The following ASMT variants were observed in gnomAD, a reference collection of about 807,000 sequenced individuals.
ASMT encodes the protein acetylserotonin O-methyltransferase, also known as acetylserotonin N-methyltransferase.
ASMT carries 53 observed loss-of-function variants against 41.3 expected under a neutral mutation model. That is an observed-to-expected ratio of 1.28 (90% CI 1.03 to 1.61). ASMT has a LOEUF of 1.61. ASMT is among the 40% of genes most tolerant of loss of function. ASMT has a pLI of 0.00. For missense variants in ASMT, 531 were observed against 441.3 expected, an observed-to-expected ratio of 1.20 and a Z score of -1.82; for synonymous variants, 231 against 184.8, an observed-to-expected ratio of 1.25 and a Z score of -2.03.
chrX:1,624,184 C>G, intron 2 of ASMT, 85 bp from the exon 3 acceptor site: 1 of 1,534,640 alleles, frequency 6.5e-7, no homozygotes, highest in Non-Finnish European at 9.0e-7. Flanking sequence ...ATGTTGAAAT[C>G]ACGATGTTGT....
Position 1,624,266 on chromosome X carries a change from C to A in ASMT, c.245-3C>A. The A allele has an allele frequency of 6.2e-7, 1 of 1,613,950 alleles. No homozygotes were observed. Among genetic ancestry groups the A allele is most frequent in the Non-Finnish European group, 8.5e-7 (1 of 1,179,854 alleles). On this transcript the variant is annotated splice_polypyrimidine_tract_variant and splice_region_variant and intron_variant, in intron 2 of 8. Transcript: ENST00000381241. ...TTTCCCTGTTTTTTTGTGTGTGTTT[C>A]AGCTTTCTATCGAAACACAGAGCTG...
chrX:1,634,229 G>A (rs1236059293), intron 7 of ASMT, among the ~76,000 whole-genome samples: 2 of 152,192 alleles, frequency 1.3e-5, no homozygotes, highest in African/African-American at 4.8e-5. Flanking sequence ...ATCAGCGAAG[G>A]AGAAAGGAGC....
intron 1 of ASMT, among the ~76,000 whole-genome samples, chrX:1,615,699 G>A (rs1359532468): frequency 6.6e-6 from 1 of 151,984 alleles, no homozygotes; most frequent in African/African-American, 2.4e-5. Flanking sequence ...CTACTTGGGA[G>A]GCTGAGGCAG....
At chrX:1,636,321 G>A (rs1934960736) in intron 7 of ASMT, 117 bp from the exon 8 acceptor site, 12 of 1,470,214 alleles carry the variant, frequency 8.2e-6, no homozygotes, top group South Asian at 6.8e-5. Flanking sequence ...CAGGTGACTA[G>A]CCTGGAAGAC....
At chrX:1,630,086 G>A in intron 5 of ASMT, 147 bp downstream of exon 5, 3 of 803,616 alleles carry the variant, frequency 3.7e-6, no homozygotes, top group Non-Finnish European at 6.7e-6. Flanking sequence ...TCCCAGCACT[G>A]GGCACTTCCT....
rs557062654 is a variant in ASMT at position 1,631,584 on chromosome X, G to A, written c.563-1120G>A. Among the ~76,000 whole-genome samples, 26 of 152,214 alleles carry A rather than the reference G, an allele frequency of 1.7e-4. No homozygotes were observed. The East Asian group carries it at 5.0e-3, about 29-fold the overall frequency. On this transcript the variant is annotated intron_variant, in intron 5 of 8. Coordinates refer to ENST00000381241, the MANE Select transcript of ASMT (RefSeq NM_001171038.2). ...TGTGAGCAGGGATAGATAGAGTTCAGGATCCCCCTGCCTGGGGAGCAGCTT... is the reference window on the plus strand; with the variant it reads ...TGTGAGCAGGGATAGATAGAGTTCAAGATCCCCCTGCCTGGGGAGCAGCTT...
chrX:1,627,885 T>C (rs1443748949), intron 4 of ASMT, 114 bp downstream of exon 4: 2 of 1,040,092 alleles, frequency 1.9e-6, no homozygotes, highest in African/African-American at 3.1e-5. Context: ...GAAGCTGCCA[T>C]TTAATTTAAA....
At position 1,626,477 on chromosome X, in the gene ASMT, C is replaced by T. The variant is rs1303506987; in HGVS notation, c.375-1226C>T. Among the ~76,000 whole-genome samples, 9 of 152,120 alleles carry T rather than the reference C, an allele frequency of 5.9e-5. No homozygotes were observed. The East Asian group carries it at 9.7e-4, about 16-fold the overall frequency. ...CAACTCCTGAGCTCAGGCTATCTGC[C>T]CCCGTCTTGGCCTCCCAGAGTGTTA... On this transcript the variant is annotated intron_variant, in intron 3 of 8. Transcript: ENST00000381241.
chrX:1,615,981 A>G (rs1220075447), intron 1 of ASMT, among the ~76,000 whole-genome samples: 2 of 152,136 alleles, frequency 1.3e-5, no homozygotes, highest in African/African-American at 2.4e-5. Flanking sequence ...TGCGTTTATC[A>G]TAGAGGTGAG....
In ASMT at chrX:1,641,412, C is replaced by A. The variant is rs181246468; in HGVS notation, c.911-1391C>A. Among the ~76,000 whole-genome samples, 22 of 138,906 alleles carry A rather than the reference C, an allele frequency of 1.6e-4. 1 individual carries two copies. In the South Asian group the frequency reaches 1.6e-3, roughly 10 times the overall value. The allele number at this position is 138,906 out of a possible 152,430, so 91.1% of individuals were successfully genotyped here. On this transcript the variant is annotated intron_variant, in intron 8 of 8. Transcript: ENST00000381241. Reference sequence around the variant, plus strand: ...TGTGAGGTCCACCTATCCTGATGGTCCATGAGGATGTGGACACAGCCGCTC... The same window carrying A: ...TGTGAGGTCCACCTATCCTGATGGTACATGAGGATGTGGACACAGCCGCTC...
chrX:1,629,156 C>G (rs1235960798), intron 4 of ASMT, among the ~76,000 whole-genome samples: 3 of 151,980 alleles, frequency 2.0e-5, no homozygotes, highest in Admixed American at 1.3e-4. Context: ...GGCACAAGTA[C>G]CCATGTCTTC....
chrX:1,624,085 C>G (rs778352215), intron 2 of ASMT, 184 bp from the exon 3 acceptor site: 3 of 270,716 alleles, frequency 1.1e-5, no homozygotes, highest in Non-Finnish European at 1.7e-5. Context: ...CTAGCCGCCC[C>G]AGGTCACCTT....
chrX:1,636,401 T>C (rs1293227907), intron 7 of ASMT, 37 bp from the exon 8 acceptor site: 1 of 1,613,810 alleles, frequency 6.2e-7, no homozygotes, highest in Non-Finnish European at 8.5e-7. Flanking sequence ...GGGATTGGAT[T>C]GCAGGCTGAC....
At chrX:1,633,780 A>G (rs1170185979) in intron 7 of ASMT, among the ~76,000 whole-genome samples, 3 of 152,012 alleles carry the variant, frequency 2.0e-5, no homozygotes, top group Non-Finnish European at 4.4e-5. Context: ...CTGGGACTAC[A>G]GGCACCCACC....
At chrX:1,619,088 A>G (rs1309515141) in intron 1 of ASMT, among the ~76,000 whole-genome samples, 2 of 152,160 alleles carry the variant, frequency 1.3e-5, no homozygotes, top group Non-Finnish European at 2.9e-5. Context: ...ATATCGCCTT[A>G]AGAAGATAAC....
chrX:1,616,558 C>G (rs1934119674), intron 1 of ASMT, among the ~76,000 whole-genome samples: 1 of 151,166 alleles, frequency 6.6e-6, no homozygotes, highest in Non-Finnish European at 1.5e-5. Flanking sequence ...TACTAAGTGC[C>G]CCTGAATTAT....
chrX:1,627,639 GAAATGAAAT>G lies in ASMT; in HGVS notation c.375-63_375-55del. 9.0e-6 allele frequency: 4 copies of G among 443,122 alleles called. No homozygotes were observed. The South Asian group carries it at 1.3e-4, about 15-fold the overall frequency. The allele number at this position is 443,122 out of a possible 1,614,324, so 27.4% of individuals were successfully genotyped here. On this transcript the variant is annotated intron_variant, in intron 3 of 8. Transcript: ENST00000381241. ...GAAATGAAACGAAATGAAACGAAAT[GAAATGAAAT>G]GAAATGAAATGAAATGAAATGAAAT...
intron 1 of ASMT, among the ~76,000 whole-genome samples, chrX:1,616,139 C>T (rs763318169): frequency 1.3e-5 from 2 of 149,020 alleles, no homozygotes; most frequent in Non-Finnish European, 2.9e-5. Flanking sequence ...GGCTATTCTC[C>T]TGCTTCAGCC....
intron 1 of ASMT, among the ~76,000 whole-genome samples, chrX:1,621,260 C>G (rs1220109029): frequency 6.6e-6 from 1 of 152,180 alleles, no homozygotes; most frequent in Non-Finnish European, 1.5e-5. Flanking sequence ...GTTGCCTGAG[C>G]CTTGGCACCC....
Sources: gnomAD v4.1 joint callset for allele counts (sites outside exome capture counted in the v4.1 genomes callset) on GRCh38, gnomAD v4.1.1 for gene constraint, MANE v1.5 for transcripts, NCBI Gene and HGNC (gene_info 2026-07-23, HGNC 2026-07-21) for gene names.